The following STIM1 variants were observed in gnomAD, a reference collection of about 807,000 sequenced individuals.
The protein encoded by STIM1 is stromal interaction molecule 1.
STIM1 carries 25 observed loss-of-function variants against 74.7 expected under a neutral mutation model. The observed-to-expected ratio is 0.33, with a 90% CI of 0.24 to 0.47. STIM1 has a LOEUF of 0.47. STIM1 is among the 20% of genes least tolerant of loss of function. The probability of loss-of-function intolerance (pLI) is 1.00; values close to 1 mark genes in which losing one functional copy is unlikely to be tolerated. For missense variants in STIM1, 728 were observed against 920.8 expected (o/e 0.79, Z 2.71); for synonymous variants, 328 against 348.8 (o/e 0.94, Z 0.66).
At chr11:3,981,127 A>G (rs969132626) in intron 2 of STIM1, among the ~76,000 whole-genome samples, 1 of 151,928 alleles carries the variant, frequency 6.6e-6, no homozygotes, top group African/African-American at 2.4e-5. Flanking sequence ...GCTCTCTTTC[A>G]TCATGTTGGC....
intron 2 of STIM1, among the ~76,000 whole-genome samples, chr11:4,000,719 G>T (rs868713612): frequency 7.2e-5 from 11 of 152,224 alleles, no homozygotes; most frequent in South Asian, 4.1e-4. Context: ...ACCAGCAACG[G>T]AACAAAGCTG....
At chr11:4,008,966 A>G (rs1651979776) in intron 2 of STIM1, among the ~76,000 whole-genome samples, 1 of 152,176 alleles carries the variant, frequency 6.6e-6, no homozygotes, top group Admixed American at 6.6e-5. Context: ...CCTTAAGTTT[A>G]AGTAAAAGGT....
At chr11:3,977,347 A>G (rs1392121031) in intron 2 of STIM1, among the ~76,000 whole-genome samples, 1 of 152,222 alleles carries the variant, frequency 6.6e-6, no homozygotes, top group Non-Finnish European at 1.5e-5. Flanking sequence ...GTATGAATCC[A>G]GGAAGCTACA....
At chr11:3,941,673 T>TAGAG (rs1554959602) in intron 1 of STIM1, among the ~76,000 whole-genome samples, 185 of 90,722 alleles carry the variant, frequency 2.0e-3, no homozygotes, top group African/African-American at 5.4e-3. Flanking sequence ...TATATATATA[T>TAGAG]AGAGAGAGAG....
At chr11:4,061,761 A>G (rs2094332457) in intron 5 of STIM1, among the ~76,000 whole-genome samples, 1 of 152,260 alleles carries the variant, frequency 6.6e-6, no homozygotes. Context: ...TAATAGATGA[A>G]TAGATAAATA....
rs998653610 is a variant in STIM1 at position 3,900,345 on chromosome 11, T to C, written c.139+43936T>C. 7.9e-5 allele frequency among the ~76,000 whole-genome samples: 12 copies of C among 152,282 alleles called. No individual in the cohort carries two copies. The East Asian group carries it at 2.3e-3, about 30-fold the overall frequency. On this transcript the variant is annotated intron_variant, in intron 1 of 12. Transcript: ENST00000526596. ...TTCCAGGTGCCGTCTGTCGTCCCTT[T>C]CTTTGACTAGGAAAGGGAACTCCCT...
Position 4,013,798 on chromosome 11 carries a change from G to A in STIM1, c.271-10075G>A, listed in dbSNP as rs1206980709. On this transcript the variant is annotated intron_variant, in intron 2 of 12. Transcript: ENST00000526596. Reference sequence around the variant, plus strand: ...TGGCTCACTGCAAGCTCCTCCTCCCGGTTTCACGCCATTCTCCTGCCTCCG... The same window carrying A: ...TGGCTCACTGCAAGCTCCTCCTCCCAGTTTCACGCCATTCTCCTGCCTCCG... Among the ~76,000 whole-genome samples the A allele has an allele frequency of 5.0e-5, 7 of 140,902 alleles. No homozygotes were observed. In the East Asian group the frequency reaches 8.8e-4, roughly 18 times the overall value. 92.4% of individuals were successfully genotyped at this position (140,902 alleles called of 152,430 possible). A position where few individuals can be genotyped will look rare whatever the true frequency, so the allele number is the denominator to read the frequency against.
At chr11:3,975,058 G>A (rs1241009570) in intron 2 of STIM1, among the ~76,000 whole-genome samples, 1 of 152,192 alleles carries the variant, frequency 6.6e-6, no homozygotes, top group Non-Finnish European at 1.5e-5. Flanking sequence ...GGATTCCACA[G>A]TGTACAAAAC....
In STIM1 at chr11:3,953,780, C is replaced by CTTTTTTTTTTTTTTTTTTTTTTTTTTT. The variant is rs201952182; in HGVS notation, c.140-13769_140-13768insTTTTTTTTTTTTTTTTTTTTTTTTTTT. ...TCGGTATTGACTTCTTGATCTTCTT[C>CTTTTTTTTTTTTTTTTTTTTTTTTTTT]TTTCTTTTTTTTTTTTTTTTGAGAC... On this transcript the variant is annotated intron_variant, in intron 1 of 12. Transcript: ENST00000526596. 2.3e-5 allele frequency among the ~76,000 whole-genome samples: 3 copies of CTTTTTTTTTTTTTTTTTTTTTTTTTTT among 131,090 alleles called. 1 individual carries two copies. The highest frequency in any genetic ancestry group is 4.8e-5 in the Non-Finnish European group (3 of 61,882). The allele number at this position is 131,090 out of a possible 152,430, so 86.0% of individuals were successfully genotyped here. A position where few individuals can be genotyped will look rare whatever the true frequency, so the allele number is the denominator to read the frequency against.
chr11:3,892,036 G>C (rs1183066234), intron 1 of STIM1, among the ~76,000 whole-genome samples: 2 of 152,244 alleles, frequency 1.3e-5, no homozygotes, highest in Non-Finnish European at 2.9e-5. Context: ...GGACAAAATA[G>C]AAATTTGGTA....
intron 3 of STIM1, among the ~76,000 whole-genome samples, chr11:4,027,948 G>A (rs1312363032): frequency 6.6e-6 from 1 of 152,184 alleles, no homozygotes; most frequent in Non-Finnish European, 1.5e-5. Flanking sequence ...TTTTGGAGAA[G>A]AATGATGGGA....
At chr11:3,982,267 A>T (rs959685372) in intron 2 of STIM1, among the ~76,000 whole-genome samples, 1 of 151,322 alleles carries the variant, frequency 6.6e-6, no homozygotes, top group Non-Finnish European at 1.5e-5. Flanking sequence ...GGCTCAAGCA[A>T]TCTCTGCCCA....
Position 3,967,859 on chromosome 11 carries a change from TCA to T in STIM1, c.270+178_270+179del, listed in dbSNP as rs796591359. 1.9e-4 allele frequency among the ~76,000 whole-genome samples: 29 copies of T among 152,320 alleles called. 1 individual carries two copies. The highest frequency in any genetic ancestry group is 7.0e-4 in the African/African-American group (29 of 41,584). On this transcript the variant is annotated intron_variant, in intron 2 of 12. Transcript: ENST00000526596. ...GAGCAGCCCTCTAGGAGTCAGCCTGTCAGAGTGTAGGCTTTATGCTTGTGTCT... is the reference window on the plus strand; with the variant it reads ...GAGCAGCCCTCTAGGAGTCAGCCTGTGAGTGTAGGCTTTATGCTTGTGTCT...
chr11:4,010,100 C>A (rs775779352), intron 2 of STIM1, among the ~76,000 whole-genome samples: 2 of 152,134 alleles, frequency 1.3e-5, no homozygotes, highest in African/African-American at 2.4e-5. Context: ...AAGGCATGAG[C>A]CATGGAGCCC....
At chr11:3,861,932 A>G (rs2090629092) in intron 1 of STIM1, among the ~76,000 whole-genome samples, 1 of 152,012 alleles carries the variant, frequency 6.6e-6, no homozygotes, top group African/African-American at 2.4e-5. Context: ...CTGCTGGGTA[A>G]CCTTTGATAT....
intron 1 of STIM1, among the ~76,000 whole-genome samples, chr11:3,881,864 G>A (rs1412038611): frequency 6.6e-6 from 1 of 151,274 alleles, no homozygotes; most frequent in Non-Finnish European, 1.5e-5. Context: ...CTAGAGACGG[G>A]GTTCGCCATG....
At chr11:3,928,421 T>G (rs533691857) in intron 1 of STIM1, among the ~76,000 whole-genome samples, 9 of 152,190 alleles carry the variant, frequency 5.9e-5, no homozygotes, top group Admixed American at 3.9e-4. Context: ...GAGACGAAGT[T>G]TCACCGTGTT....
intron 1 of STIM1, among the ~76,000 whole-genome samples, chr11:3,886,765 A>G (rs1284674124): frequency 5.5e-5 from 8 of 146,668 alleles, no homozygotes. Flanking sequence ...GCACTTTGGG[A>G]GGCCGAGGCG....
intron 3 of STIM1, among the ~76,000 whole-genome samples, chr11:4,051,814 T>C (rs1474449237): frequency 6.6e-6 from 1 of 152,140 alleles, no homozygotes; most frequent in Non-Finnish European, 1.5e-5. Flanking sequence ...ACCTGGCTAA[T>C]TGTCCCTGTT....
Sources: gnomAD v4.1 joint callset for allele counts (sites outside exome capture counted in the v4.1 genomes callset) on GRCh38, gnomAD v4.1.1 for gene constraint, MANE v1.5 for transcripts, NCBI Gene and HGNC (gene_info 2026-07-23, HGNC 2026-07-21) for gene names.